The following OMD variants were observed in gnomAD, a reference collection of about 807,000 sequenced individuals.
OMD encodes the protein osteomodulin.
In OMD, 19 loss-of-function variants were observed where a neutral mutation model predicts 31.2. The observed-to-expected ratio is 0.61, with a 90% CI of 0.42 to 0.89. The LOEUF is 0.89. Ranked by LOEUF, OMD falls within the 40% of genes least tolerant of loss-of-function variation. The pLI is 0.00. For missense variants in OMD, 448 were observed against 490.8 expected, an observed-to-expected ratio of 0.91 and a Z score of 0.82; for synonymous variants, 155 against 166.4, an observed-to-expected ratio of 0.93 and a Z score of 0.53.
At chr9:92,418,990 A>G (rs1257269761) in intron 1 of OMD, among the ~76,000 whole-genome samples, 3 of 152,204 alleles carry the variant, frequency 2.0e-5, no homozygotes, top group African/African-American at 7.2e-5. Flanking sequence ...CAAAAATATT[A>G]TTAAAAACAC....
In OMD at chr9:92,412,622, A is replaced by G. The variant is rs1843475322; in HGVS notation, c.*2530T>C. Among the ~76,000 whole-genome samples, 1 of 152,194 alleles carries G rather than the reference A, an allele frequency of 6.6e-6. No homozygotes were observed. The highest frequency in any genetic ancestry group is 1.5e-5 in the Non-Finnish European group (1 of 68,030). On this transcript the variant is annotated 3_prime_UTR_variant, in exon 3 of 3. Coordinates refer to ENST00000375550, the MANE Select transcript of OMD (RefSeq NM_005014.3). ...GGAATCATACAATTTGTGTCTTTTTACGACTGACTTCTTTCACTGAGCATA... is the reference window on the plus strand; with the variant it reads ...GGAATCATACAATTTGTGTCTTTTTGCGACTGACTTCTTTCACTGAGCATA...
intron 1 of OMD, among the ~76,000 whole-genome samples, chr9:92,422,274 G>A (rs1464024135): frequency 2.6e-5 from 4 of 152,004 alleles, no homozygotes; most frequent in Non-Finnish European, 5.9e-5. Flanking sequence ...GCCTGGTCTC[G>A]AACTCCTGAC....
Position 92,417,387 on chromosome 9 carries a change from A to T in OMD, c.172T>A (p.Tyr58Asn), listed in dbSNP as rs367622397. 1.2e-6 allele frequency: 2 copies of T among 1,614,114 alleles called. No homozygotes were observed. Among genetic ancestry groups the T allele is most frequent in the Non-Finnish European group, 1.7e-6 (2 of 1,179,990 alleles). The change falls in exon 2 of 3, where the codon TAT becomes AAT. Residue 58 changes from tyrosine to asparagine, a missense_variant. Physicochemically the swap from Tyr to Asn is moderately radical, Grantham distance 143 (BLOSUM62 -2). Transcript: ENST00000375550. ...NVDYGVPFHQYTLGCVSECFC... is the reference protein window; with the variant it reads ...NVDYGVPFHQNTLGCVSECFC... ...CATTCACTGACACAGCCTAAAGTAT[A>T]CTGATGAAAAGGAACTCCGTAGTCT...
chr9:92,416,684 A>AATTTGT lies in OMD; in HGVS notation c.869_874dup (p.Lys291_Leu292insTyrLys). On this transcript the variant is annotated inframe_insertion, in exon 2 of 3. Coordinates refer to ENST00000375550, the MANE Select transcript of OMD (RefSeq NM_005014.3). ...TCTTGGAATATAGAATGCTTGCTTC[A>AATTTGT]ATTTGTTGTGTCCAACACTGAGTTC... The AATTTGT allele has an allele frequency of 6.2e-7, 1 of 1,611,372 alleles. No homozygotes were observed. The highest frequency in any genetic ancestry group is 8.5e-7 in the Non-Finnish European group (1 of 1,179,290).
At chr9:92,422,831 C>T (rs1267956224) in intron 1 of OMD, among the ~76,000 whole-genome samples, 1 of 152,208 alleles carries the variant, frequency 6.6e-6, no homozygotes, top group Non-Finnish European at 1.5e-5. Flanking sequence ...CAACTAATCT[C>T]TTCTGAGTCA....
In OMD at chr9:92,424,382, C is replaced by G. The variant is rs372138742; in HGVS notation, c.-197G>C. The G allele has an allele frequency of 2.0e-5, 3 of 152,078 alleles. No homozygotes were observed. Among genetic ancestry groups the G allele is most frequent in the African/African-American group, 4.8e-5 (2 of 41,414 alleles). The allele number at this position is 152,078 out of a possible 1,614,324, so 9.4% of individuals were successfully genotyped here. The stretch of plus-strand genomic sequence containing the variant: ...AAATACAATCTTCTTGGAAAACACT[C>G]GGGTTGAATTAAAATTATGTATTTC... On this transcript the variant is annotated 5_prime_UTR_variant, in exon 1 of 3. Transcript: ENST00000375550.
chr9:92,422,010 A>G (rs536907660), intron 1 of OMD, among the ~76,000 whole-genome samples: 19 of 152,144 alleles, frequency 1.2e-4, no homozygotes, highest in African/African-American at 4.3e-4. Context: ...TTTATGTATA[A>G]TTTTATAATA....
In OMD at chr9:92,412,530, C is replaced by T. The variant is rs1347977414; in HGVS notation, c.*2622G>A. Among the ~76,000 whole-genome samples, 5 of 152,162 alleles carry T rather than the reference C, an allele frequency of 3.3e-5. No individual in the cohort carries two copies. Among genetic ancestry groups the T allele is most frequent in the Non-Finnish European group, 7.4e-5 (5 of 68,026 alleles). On this transcript the variant is annotated 3_prime_UTR_variant, in exon 3 of 3. Coordinates refer to ENST00000375550, the MANE Select transcript of OMD (RefSeq NM_005014.3). ...TCTCACTTTCCCCATTCCCATGATC[C>T]CCAGCTCTAGGCAACCAATAGTCTT...
In OMD at chr9:92,413,283, G is replaced by C. The variant is rs962743592; in HGVS notation, c.*1869C>G. Among the ~76,000 whole-genome samples the C allele has an allele frequency of 6.6e-6, 1 of 152,004 alleles. No individual in the cohort carries two copies. Among genetic ancestry groups the C allele is most frequent in the African/African-American group, 2.4e-5 (1 of 41,372 alleles). On this transcript the variant is annotated 3_prime_UTR_variant, in exon 3 of 3. Transcript: ENST00000375550. ...ATTACAGGTGTGAGCTAATGCGCCC[G>C]ACTATATGTAACTAACTTTTTAAGG...
intron 2 of OMD, among the ~76,000 whole-genome samples, chr9:92,416,099 T>A (rs1588114363): frequency 7.5e-6 from 1 of 132,848 alleles, no homozygotes; most frequent in African/African-American, 2.8e-5. Context: ...TATTTATTTA[T>A]TTTATTTTTT....
At chr9:92,421,568 G>A (rs1001184149) in intron 1 of OMD, among the ~76,000 whole-genome samples, 6 of 152,264 alleles carry the variant, frequency 3.9e-5, no homozygotes, top group Admixed American at 3.3e-4. Flanking sequence ...GGGTCTGCTT[G>A]GAAATGCTTA....
At position 92,415,308 on chromosome 9, in the gene OMD, A is replaced by G. The variant is rs934962047; in HGVS notation, c.1110T>C (p.Gly370=). The G allele has an allele frequency of 1.4e-5, 23 of 1,613,574 alleles. No individual in the cohort carries two copies. Among genetic ancestry groups the G allele is most frequent in the African/African-American group, 8.0e-5 (6 of 74,890 alleles). The change falls in exon 3 of 3, where the codon GGT becomes GGC. Residue 370 remains glycine (G), a synonymous_variant. Coordinates refer to ENST00000375550, the MANE Select transcript of OMD (RefSeq NM_005014.3). ...IYYGEQRSTN[G]QTIQLKTQVF... ...CTTGTGTCTTTAGTTGTATTGTTTGACCATTAGTGCTTCGTTGTTCACCAT... is the reference window on the plus strand; with the variant it reads ...CTTGTGTCTTTAGTTGTATTGTTTGGCCATTAGTGCTTCGTTGTTCACCAT...
rs1278790131 is a variant in OMD, at chr9:92,414,433, A to G, written c.*719T>C. On this transcript the variant is annotated 3_prime_UTR_variant, in exon 3 of 3. Transcript: ENST00000375550. ...TAGGATAGTTGCTGAAATCTGCTAAAATACAAATTGCAATGAGATAGTTTG... is the reference window on the plus strand; with the variant it reads ...TAGGATAGTTGCTGAAATCTGCTAAGATACAAATTGCAATGAGATAGTTTG... 9.6e-6 allele frequency: 2 copies of G among 207,768 alleles called. No homozygotes were observed. The highest frequency in any genetic ancestry group is 2.0e-5 in the Non-Finnish European group (2 of 101,916). 12.9% of individuals were successfully genotyped at this position (207,768 alleles called of 1,614,324 possible). A position where few individuals can be genotyped will look rare whatever the true frequency, so the allele number is the denominator to read the frequency against.
At chr9:92,417,916 C>T (rs1156451259) in intron 1 of OMD, among the ~76,000 whole-genome samples, 1 of 151,584 alleles carries the variant, frequency 6.6e-6, no homozygotes, top group Non-Finnish European at 1.5e-5. Flanking sequence ...TTAGTAGAGA[C>T]AAGGTTTCGT....
rs1843492670 is a variant in OMD at position 92,413,116 on chromosome 9, C to G, written c.*2036G>C. On this transcript the variant is annotated 3_prime_UTR_variant, in exon 3 of 3. Transcript: ENST00000375550. ...TCTCCTGCCTCAGCCTCGCAAGTAG[C>G]CGGGATTACAGGCATGTGCCACCAT... 6.6e-6 allele frequency among the ~76,000 whole-genome samples: 1 copy of G among 150,792 alleles called. No homozygotes were observed. Among genetic ancestry groups the G allele is most frequent in the Non-Finnish European group, 1.5e-5 (1 of 67,880 alleles).
rs769740723 is a variant in OMD at position 92,417,271 on chromosome 9, G to A, written c.288C>T (p.Leu96=). ...CCTCAATTTCATTGAACTGAAGGTA[G>A]AGTTGCTGAATGTGCATCGGAATAT... ...IPNIPMHIQQ[L]YLQFNEIEAV... is the part of the protein sequence containing the mutation. Residue 96 remains leucine (L), a synonymous_variant, in exon 2 of 3, where the codon CTC becomes CTT. Transcript: ENST00000375550. The A allele has an allele frequency of 6.2e-7, 1 of 1,613,976 alleles. No homozygotes were observed. Among genetic ancestry groups the A allele is most frequent in the East Asian group, 2.2e-5 (1 of 44,880 alleles).
In OMD at chr9:92,417,073, T is replaced by G. The variant is rs145808419; in HGVS notation, c.486A>C (p.Lys162Asn). Residue 162 changes from lysine (K) to asparagine (N), a missense_variant, in exon 2 of 3, where the codon AAA (lysine) becomes AAC (asparagine). Transcript: ENST00000375550. ...NLEEFPFPLP[K>N]SLERLLLGYN... The stretch of plus-strand genomic sequence containing the variant: ...AACCAAGAAGGAGTCTTTCCAGAGA[T>G]TTAGGAAGAGGAAATGGAAATTCTT... The G allele has an allele frequency of 6.2e-7, 1 of 1,613,952 alleles. No individual in the cohort carries two copies. The highest frequency in any genetic ancestry group is 8.5e-7 in the Non-Finnish European group (1 of 1,179,954).
rs200578134 is a variant in OMD at position 92,417,318 on chromosome 9, G to A, written c.241C>T (p.Arg81Cys). 1.2e-5 allele frequency: 20 copies of A among 1,613,994 alleles called. No individual in the cohort carries two copies. Among genetic ancestry groups the A allele is most frequent in the Admixed American group, 5.0e-5 (3 of 60,006 alleles). The change falls in exon 2 of 3, where the codon CGC (arginine) becomes TGC (cysteine). Residue 81 changes from arginine (R) to cysteine (C), a missense_variant. Transcript: ENST00000375550. ...ATATTTGGGATAGTCTTGAGTTTGC[G>A]ATTATCACAGTACATTGATGATGGA... ...NFPSSMYCDN[R>C]KLKTIPNIPM... is the part of the protein sequence containing the mutation.
Position 92,417,450 on chromosome 9 carries a change from C to G in OMD, c.109G>C (p.Asp37His), listed in dbSNP as rs1564310362. The G allele has an allele frequency of 6.2e-7, 1 of 1,613,990 alleles. No homozygotes were observed. The highest frequency in any genetic ancestry group is 8.5e-7 in the Non-Finnish European group (1 of 1,179,944). ...AATGGGAATCCTGTTTGGTAATCATCATCTGGCTCTTGGTCATAGTCTTCA... is the reference window on the plus strand; with the variant it reads ...AATGGGAATCCTGTTTGGTAATCATGATCTGGCTCTTGGTCATAGTCTTCA... ...WDEDYDQEPDDDYQTGFPFRQ... is the reference protein window; with the variant it reads ...WDEDYDQEPDHDYQTGFPFRQ... The change falls in exon 2 of 3, where the codon GAT (aspartate) becomes CAT (histidine). Residue 37 changes from aspartate to histidine, a missense_variant. Transcript: ENST00000375550.
Sources: gnomAD v4.1 joint callset for allele counts (sites outside exome capture counted in the v4.1 genomes callset) on GRCh38, gnomAD v4.1.1 for gene constraint, MANE v1.5 for transcripts, NCBI Gene and HGNC (gene_info 2026-07-23, HGNC 2026-07-21) for gene names.